The following CACNA1A variants were observed in gnomAD, a reference collection of about 807,000 sequenced individuals.
The protein encoded by CACNA1A is calcium voltage-gated channel subunit alpha1 A.
A neutral mutation model predicts 262.4 loss-of-function variants in CACNA1A; 57 were observed. The ratio of observed to expected loss-of-function variants is 0.22; its 90% CI spans 0.18 to 0.27. CACNA1A has a LOEUF of 0.27. Ranked by LOEUF, CACNA1A falls within the 10% of genes least tolerant of loss-of-function variation. CACNA1A has a pLI of 1.00. For missense variants in CACNA1A, 2,526 were observed against 3,562.8 expected (o/e 0.71, Z 7.41); for synonymous variants, 1,431 against 1,419.3 (o/e 1.01, Z -0.18).
intron 3 of CACNA1A, among the ~76,000 whole-genome samples, chr19:13,384,559 C>G (rs1429769507): frequency 2.6e-5 from 4 of 152,122 alleles, no homozygotes; most frequent in African/African-American, 7.2e-5. Context: ...AATTAGCCAG[C>G]CGTGGTGGCG....
intron 6 of CACNA1A, among the ~76,000 whole-genome samples, chr19:13,355,825 G>C (rs1243646036): frequency 6.6e-6 from 1 of 152,132 alleles, no homozygotes; most frequent in East Asian, 1.9e-4. Flanking sequence ...CAGAGGTGGG[G>C]GATGCTGTGC....
intron 10 of CACNA1A, among the ~76,000 whole-genome samples, chr19:13,325,723 C>T (rs942911047): frequency 6.6e-6 from 1 of 152,202 alleles, no homozygotes. Flanking sequence ...CCACCGTGCC[C>T]AGCCATACTG....
chr19:13,456,721 A>G (rs1302812136), intron 1 of CACNA1A, among the ~76,000 whole-genome samples: 1 of 152,184 alleles, frequency 6.6e-6, no homozygotes, highest in African/African-American at 2.4e-5. Context: ...AACAACAAAA[A>G]GATAATCCAA....
At chr19:13,298,475 G>A in intron 19 of CACNA1A, 69 bp downstream of exon 19, 3 of 1,330,700 alleles carry the variant, frequency 2.3e-6, no homozygotes, top group East Asian at 2.9e-5. Context: ...TACACAGCAC[G>A]TGCTACTTTG....
chr19:13,229,029 T>G, intron 36 of CACNA1A: 12 of 273,042 alleles, frequency 4.4e-5, no homozygotes, highest in East Asian at 2.1e-4. Flanking sequence ...TCTCTGCATC[T>G]GCCTCCTCCA....
intron 3 of CACNA1A, among the ~76,000 whole-genome samples, chr19:13,405,148 G>A (rs2144712448): frequency 6.6e-6 from 1 of 151,768 alleles, no homozygotes; most frequent in East Asian, 1.9e-4. Context: ...TGCCCGCCTT[G>A]GCCTCCCAAA....
rs74782873 is a variant in CACNA1A at position 13,255,411 on chromosome 19, T to C, written c.4591-152A>G. 0.021 allele frequency among the ~76,000 whole-genome samples: 3,163 copies of C among 152,072 alleles called. 101 individuals are homozygous for C. The highest frequency in any genetic ancestry group is 0.069 in the African/African-American group (2,859 of 41,460). On this transcript the variant is annotated intron_variant, in intron 28 of 46. Transcript: ENST00000360228. ...CCAGCCAGGATTCCTGGGCTCTCTC[T>C]TCCTTCTCACCATTGCTTTCTTATC... is the stretch of plus-strand genomic sequence containing the variant.
intron 1 of CACNA1A, among the ~76,000 whole-genome samples, chr19:13,496,858 C>T (rs935385717): frequency 3.9e-5 from 6 of 152,170 alleles, no homozygotes; most frequent in East Asian, 1.9e-4. Context: ...TCAGGCACCA[C>T]TCTAAACATC....
At chr19:13,347,693 G>A (rs1447889750) in intron 6 of CACNA1A, among the ~76,000 whole-genome samples, 1 of 152,110 alleles carries the variant, frequency 6.6e-6, no homozygotes, top group Admixed American at 6.6e-5. Flanking sequence ...CTGATCACTG[G>A]CTTTCCCCAC....
chr19:13,239,215 T>TGCCTTCTTCGGCTGTCTCCAGGCCA (rs1389192249), intron 31 of CACNA1A, among the ~76,000 whole-genome samples: 9 of 152,054 alleles, frequency 5.9e-5, no homozygotes, highest in African/African-American at 2.2e-4. Flanking sequence ...TGTCCCCTTC[T>TGCCTTCTTCGGCTGTCTCCAGGCCA]GCCTTCTTCG....
At chr19:13,496,199 A>AC (rs1981518354) in intron 1 of CACNA1A, among the ~76,000 whole-genome samples, 1 of 152,246 alleles carries the variant, frequency 6.6e-6, no homozygotes, top group African/African-American at 2.4e-5. Flanking sequence ...GAAACAGGCC[A>AC]CAAGTCAAAA....
intron 35 of CACNA1A, 144 bp downstream of exon 35, chr19:13,231,566 A>G: frequency 1.2e-6 from 1 of 808,078 alleles, no homozygotes; most frequent in South Asian, 1.8e-5. Context: ...TGAGACGCTC[A>G]GGGTCACCTG....
chr19:13,312,244 G>A (rs1172582859), intron 12 of CACNA1A, among the ~76,000 whole-genome samples: 2 of 152,202 alleles, frequency 1.3e-5, no homozygotes, highest in Non-Finnish European at 2.9e-5. Context: ...GCTCCATAAT[G>A]CCAGGGTGTT....
rs2054910858 is a variant in CACNA1A at position 13,214,036 on chromosome 19, TCA to T, written c.5940+195_5940+196del. The T allele has an allele frequency of 1.7e-6, 1 of 578,878 alleles. No homozygotes were observed. The highest frequency in any genetic ancestry group is 3.0e-5 in the Admixed American group (1 of 33,618). The allele number at this position is 578,878 out of a possible 1,614,324, so 35.9% of individuals were successfully genotyped here. A position where few individuals can be genotyped will look rare whatever the true frequency, so the allele number is the denominator to read the frequency against. On this transcript the variant is annotated intron_variant, in intron 40 of 46. Transcript: ENST00000360228. The surrounding 1 kb of genome is among the most constrained non-coding windows in gnomAD (Gnocchi z 4.1). Reference sequence around the variant, plus strand: ...TCTCACTGTGTTGCCCAGGGTGGTCTCATCCTGGTCTCAAACGATCCCTCTGC... The same window carrying T: ...TCTCACTGTGTTGCCCAGGGTGGTCTTCCTGGTCTCAAACGATCCCTCTGC...
intron 27 of CACNA1A, chr19:13,258,609 T>C (rs1197705842): frequency 6.6e-6 from 1 of 152,250 alleles, no homozygotes; most frequent in Non-Finnish European, 1.5e-5. Flanking sequence ...CCTTGTGGGT[T>C]AGCATTATTC....
At chr19:13,270,798 C>G (rs561918998) in intron 24 of CACNA1A, among the ~76,000 whole-genome samples, 4 of 152,136 alleles carry the variant, frequency 2.6e-5, no homozygotes, top group Non-Finnish European at 5.9e-5. Context: ...CCTCTCTCAT[C>G]CCTTCGGCCA....
chr19:13,432,257 A>T lies in CACNA1A; in HGVS notation c.539+20619T>A, dbSNP rs182854792. 7.8e-3 allele frequency among the ~76,000 whole-genome samples: 1,187 copies of T among 151,616 alleles called. 15 individuals carry two copies. Among genetic ancestry groups the T allele is most frequent in the African/African-American group, 0.027 (1,099 of 41,324 alleles). Reference sequence around the variant, plus strand: ...TGGTGAAACCCCGTCTCTACTAAAAATACAAAAATTAGCCGGGCCTGGTGG... The same window carrying T: ...TGGTGAAACCCCGTCTCTACTAAAATTACAAAAATTAGCCGGGCCTGGTGG... On this transcript the variant is annotated intron_variant, in intron 3 of 46. Coordinates refer to ENST00000360228, the MANE Select transcript of CACNA1A (RefSeq NM_001127222.2).
At chr19:13,264,717 G>C (rs1268633902) in intron 24 of CACNA1A, among the ~76,000 whole-genome samples, 2 of 152,082 alleles carry the variant, frequency 1.3e-5, no homozygotes, top group Non-Finnish European at 2.9e-5. Flanking sequence ...TGCTCCCTCC[G>C]ACAGCATTTC....
intron 3 of CACNA1A, among the ~76,000 whole-genome samples, chr19:13,427,774 AAAAC>A (rs60914806): frequency 0.28 from 42,599 of 150,784 alleles, 6,515 homozygotes; most frequent in East Asian, 0.61. Flanking sequence ...CACAGTGGTA[AAAAC>A]AAACAAACAA....
Sources: allele counts gnomAD v4.1 joint callset (sites outside exome capture counted in the v4.1 genomes callset), GRCh38; gene constraint gnomAD v4.1.1; non-coding constraint Gnocchi (gnomAD v3.1); transcripts MANE v1.5; gene names NCBI Gene and HGNC (gene_info 2026-07-23, HGNC 2026-07-21).